MYO18B: variants seen among roughly 807,000 people sequenced by gnomAD.
MYO18B encodes unconventional myosin-XVIIIb.
In MYO18B, 204 loss-of-function variants were observed where a neutral mutation model predicts 273.0. The observed-to-expected ratio is 0.75, with a 90% CI of 0.67 to 0.84. MYO18B has a LOEUF of 0.84. MYO18B is among the 40% of genes least tolerant of loss of function. The pLI is 0.00. For missense variants in MYO18B, 3,212 were observed against 3,287.6 expected, an observed-to-expected ratio of 0.98 and a Z score of 0.56; for synonymous variants, 1,330 against 1,305.7, an observed-to-expected ratio of 1.02 and a Z score of -0.40.
chr22:25,931,505 A>C (rs2092500340), intron 34 of MYO18B, among the ~76,000 whole-genome samples: 1 of 152,130 alleles, frequency 6.6e-6, no homozygotes, highest in Non-Finnish European at 1.5e-5. Flanking sequence ...AACCCACTTG[A>C]GTGCAGTGAA....
At chr22:25,918,004 A>G (rs2092288365) in intron 33 of MYO18B, among the ~76,000 whole-genome samples, 1 of 152,252 alleles carries the variant, frequency 6.6e-6, no homozygotes, top group Non-Finnish European at 1.5e-5. Flanking sequence ...AGGATTGCAT[A>G]GCAAGTTAGT....
Position 26,026,962 on chromosome 22 carries a change from TC to T in MYO18B, c.6989del (p.Ser2330PhefsTer26). The T allele has an allele frequency of 6.2e-7, 1 of 1,613,830 alleles. No individual in the cohort carries two copies. The highest frequency in any genetic ancestry group is 1.1e-5 in the South Asian group (1 of 91,074). ...LLRSTSLKCI[S>X]SDGVGGTTLL... ...GAGGTCCACCAGCCTCAAATGCATC[TC>T]TTCAGACGGTGTTGGGGGCACAACC... is the stretch of plus-strand genomic sequence containing the variant. On this transcript the variant is annotated frameshift_variant, in exon 43 of 44. Coordinates refer to ENST00000335473, the MANE Select transcript of MYO18B (RefSeq NM_032608.7). LOFTEE classifies it high-confidence loss of function.
At position 25,882,357 on chromosome 22, in the gene MYO18B, G is replaced by GAA. The variant is rs11386513; in HGVS notation, c.4314+4320_4314+4321dup. On this transcript the variant is annotated intron_variant, in intron 25 of 43. Transcript: ENST00000335473. ...TTCATAGACATATTGCATGTAGATTGAAAAAAAAAAAAGAAACACCTGTTA... is the reference window on the plus strand; with the variant it reads ...TTCATAGACATATTGCATGTAGATTGAAAAAAAAAAAAAAGAAACACCTGTTA... Among the ~76,000 whole-genome samples, 542 of 147,368 alleles carry GAA rather than the reference G, an allele frequency of 3.7e-3. 2 individuals are homozygous for GAA. The highest frequency in any genetic ancestry group is 6.5e-3 in the African/African-American group (261 of 40,078).
At chr22:25,843,319 C>T (rs896396933) in intron 17 of MYO18B, among the ~76,000 whole-genome samples, 2 of 152,176 alleles carry the variant, frequency 1.3e-5, no homozygotes, top group Non-Finnish European at 2.9e-5. Flanking sequence ...ATCATAATTT[C>T]CATGCATATC....
At chr22:25,935,596 GA>G (rs5844661) in intron 34 of MYO18B, among the ~76,000 whole-genome samples, 31,921 of 139,576 alleles carry the variant, frequency 0.23, 4,646 homozygotes, top group African/African-American at 0.43. Context: ...GAAAAGAAGA[GA>G]AAAAAAAAAA....
At chr22:25,997,978 C>CACACACACACACGAGAGA (rs34431605) in intron 40 of MYO18B, among the ~76,000 whole-genome samples, 1 of 144,550 alleles carries the variant, frequency 6.9e-6, no homozygotes, top group African/African-American at 2.6e-5. Context: ...CACACACACA[C>CACACACACACACGAGAGA]GAGAGAGAGA....
chr22:25,759,382 A>G (rs961657402), intron 1 of MYO18B, among the ~76,000 whole-genome samples: 1 of 150,790 alleles, frequency 6.6e-6, no homozygotes, highest in Non-Finnish European at 1.5e-5. Context: ...AGGGACATGG[A>G]TGAAGCTGGA....
At chr22:25,944,038 T>C (rs1013912209) in intron 34 of MYO18B, among the ~76,000 whole-genome samples, 4 of 152,152 alleles carry the variant, frequency 2.6e-5, no homozygotes, top group African/African-American at 9.7e-5. Context: ...TTGCATCTTT[T>C]AGGTCTTAGC....
chr22:26,055,484 A>T, the MYO18B span, among the ~76,000 whole-genome samples: 1 of 152,216 alleles, frequency 6.6e-6, no homozygotes, highest in Non-Finnish European at 1.5e-5. Context: ...AAATACTGGG[A>T]TGCTGATGGC....
rs138834520 is a variant in MYO18B at position 26,016,649 on chromosome 22, T to G, written c.6471-9796T>G. On this transcript the variant is annotated intron_variant, in intron 42 of 43. Coordinates refer to ENST00000335473, the MANE Select transcript of MYO18B (RefSeq NM_032608.7). ...AATCCCCCATCTTTCTGTTCCTCCATTCCTTCATTCTTTCCATTCTACAAG... is the reference window on the plus strand; with the variant it reads ...AATCCCCCATCTTTCTGTTCCTCCAGTCCTTCATTCTTTCCATTCTACAAG... Among the ~76,000 whole-genome samples the G allele has an allele frequency of 5.8e-3, 884 of 152,338 alleles. 13 individuals carry two copies. The highest frequency in any genetic ancestry group is 0.02 in the African/African-American group (837 of 41,566).
chr22:25,803,381 C>G (rs2088310202), intron 12 of MYO18B, among the ~76,000 whole-genome samples: 1 of 151,952 alleles, frequency 6.6e-6, no homozygotes, highest in Non-Finnish European at 1.5e-5. Flanking sequence ...GGATATACCA[C>G]ATTTTGTTTA....
chr22:25,744,545 C>G (rs185949650), intron 1 of MYO18B, among the ~76,000 whole-genome samples: 15 of 152,232 alleles, frequency 9.9e-5, no homozygotes, highest in Admixed American at 5.9e-4. Context: ...TCCTGGCTAA[C>G]ACGGTGAAAC....
chr22:25,975,778 T>G (rs2093082647), intron 39 of MYO18B, among the ~76,000 whole-genome samples: 1 of 152,212 alleles, frequency 6.6e-6, no homozygotes, highest in Non-Finnish European at 1.5e-5. Context: ...AGATTCTGCA[T>G]TTCCAACCAG....
intron 12 of MYO18B, among the ~76,000 whole-genome samples, chr22:25,816,831 T>G (rs1040261175): frequency 6.6e-6 from 1 of 152,196 alleles, no homozygotes; most frequent in African/African-American, 2.4e-5. Flanking sequence ...CTACAGCCTT[T>G]TAGACTTATC....
intron 40 of MYO18B, among the ~76,000 whole-genome samples, chr22:26,002,600 C>T (rs749028190): frequency 9.2e-5 from 14 of 152,170 alleles, no homozygotes; most frequent in African/African-American, 1.9e-4. Context: ...TCCTAGGTGT[C>T]TGAGGTTTGC....
At chr22:25,985,633 T>C (rs1235023634) in intron 39 of MYO18B, among the ~76,000 whole-genome samples, 2 of 149,388 alleles carry the variant, frequency 1.3e-5, no homozygotes, top group South Asian at 2.1e-4. Flanking sequence ...CGTTTTTTAT[T>C]TTTATTTTTT....
chr22:25,983,728 C>T (rs900153314), intron 39 of MYO18B, among the ~76,000 whole-genome samples: 1 of 152,260 alleles, frequency 6.6e-6, no homozygotes, highest in African/African-American at 2.4e-5. Flanking sequence ...TTCTTTGGCA[C>T]TGCCTTGAGG....
chr22:25,868,445 T>C, intron 22 of MYO18B, 60 bp downstream of exon 22: 2 of 1,389,504 alleles, frequency 1.4e-6, no homozygotes, highest in African/African-American at 2.9e-5. Flanking sequence ...AGAGATGACC[T>C]GATTCTTGTC....
chr22:25,840,775 A>T (rs928020347), intron 17 of MYO18B, among the ~76,000 whole-genome samples: 6 of 152,176 alleles, frequency 3.9e-5, no homozygotes, highest in African/African-American at 1.4e-4. Context: ...AGTGGGCAGA[A>T]GGGGATTTGG....
Sources: gnomAD v4.1 joint callset for allele counts (sites outside exome capture counted in the v4.1 genomes callset) on GRCh38, gnomAD v4.1.1 for gene constraint, MANE v1.5 for transcripts, NCBI Gene and HGNC (gene_info 2026-07-23, HGNC 2026-07-21) for gene names.